RIMBP2: variants seen among roughly 807,000 people sequenced by gnomAD.
RIMBP2 encodes RIMS binding protein 2, also known as RIMS-binding protein 2.
RIMBP2 carries 48 observed loss-of-function variants against 118.6 expected under a neutral mutation model. The observed-to-expected ratio is 0.40, with a 90% confidence interval of 0.32 to 0.51. RIMBP2 has a LOEUF of 0.51. Ranked by LOEUF, RIMBP2 falls within the 20% of genes least tolerant of loss-of-function variation. The pLI, the probability that RIMBP2 is intolerant of heterozygous loss-of-function variation, is 0.41. For missense variants in RIMBP2, 1,551 were observed against 1,768.3 expected, an observed-to-expected ratio of 0.88 and a Z score of 2.20; for synonymous variants, 762 against 742.9, an observed-to-expected ratio of 1.03 and a Z score of -0.42.
At chr12:130,537,601 T>C (rs2054191538) in intron 2 of RIMBP2, among the ~76,000 whole-genome samples, 1 of 152,192 alleles carries the variant, frequency 6.6e-6, no homozygotes, top group South Asian at 2.1e-4. Context: ...AACCAGCCTA[T>C]GCGAAAGATC....
intron 2 of RIMBP2, among the ~76,000 whole-genome samples, chr12:130,532,513 T>C (rs1055237838): frequency 6.0e-5 from 9 of 149,556 alleles, no homozygotes; most frequent in Admixed American, 2.0e-4. Context: ...GTTCAGCCTC[T>C]AGGAGTTACG....
chr12:130,662,086 G>A (rs755244861), intron 1 of RIMBP2, among the ~76,000 whole-genome samples: 7 of 152,094 alleles, frequency 4.6e-5, no homozygotes, highest in African/African-American at 7.2e-5. Context: ...GGGGTCACAC[G>A]GACTCCATTG....
intron 14 of RIMBP2, among the ~76,000 whole-genome samples, chr12:130,433,473 C>A (rs1172172401): frequency 6.6e-6 from 1 of 152,196 alleles, no homozygotes; most frequent in Admixed American, 6.5e-5. Flanking sequence ...AGAGAGAGCA[C>A]CCTCAGCACA....
intron 2 of RIMBP2, among the ~76,000 whole-genome samples, chr12:130,612,814 CA>C (rs1414791055): frequency 6.6e-6 from 1 of 152,152 alleles, no homozygotes; most frequent in Non-Finnish European, 1.5e-5. Context: ...CCGGGTGAAG[CA>C]AGGTACACAG....
chr12:130,641,065 G>A lies in RIMBP2; in HGVS notation c.-351-12609C>T, dbSNP rs1011139321. ...TTTCTGTGGTTGGGCAGGAGAAACCGCAGTCTTGCCATCATTTTAACTGAT... is the reference window on the plus strand; with the variant it reads ...TTTCTGTGGTTGGGCAGGAGAAACCACAGTCTTGCCATCATTTTAACTGAT... On this transcript the variant is annotated intron_variant, in intron 1 of 22. Transcript: ENST00000690449. 3.9e-5 allele frequency among the ~76,000 whole-genome samples: 6 copies of A among 152,192 alleles called. No individual in the cohort carries two copies. The South Asian group carries it at 6.2e-4, about 16-fold the overall frequency.
At position 130,632,391 on chromosome 12, in the gene RIMBP2, A is replaced by AT. The variant is rs35286609; in HGVS notation, c.-351-3936dup. On this transcript the variant is annotated intron_variant, in intron 1 of 22. Transcript: ENST00000690449. ...TCACGATAATCTGCAAGTGATGTAC[A>AT]TTTTTTTTTTCTAGTTCTATTACAG... Among the ~76,000 whole-genome samples, 223 of 151,392 alleles carry AT rather than the reference A, an allele frequency of 1.5e-3. 2 individuals are homozygous for AT. The highest frequency in any genetic ancestry group is 4.7e-3 in the African/African-American group (193 of 41,254).
At chr12:130,496,853 A>G (rs1159125042) in intron 4 of RIMBP2, among the ~76,000 whole-genome samples, 1 of 152,144 alleles carries the variant, frequency 6.6e-6, no homozygotes, top group African/African-American at 2.4e-5. Flanking sequence ...AGGCCATCAG[A>G]CCATGACTGC....
intron 1 of RIMBP2, among the ~76,000 whole-genome samples, chr12:130,702,167 T>C (rs1286698511): frequency 1.3e-5 from 2 of 152,034 alleles, no homozygotes; most frequent in African/African-American, 2.4e-5. Flanking sequence ...GCTGAACCCT[T>C]AGCAATGATT....
intron 1 of RIMBP2, among the ~76,000 whole-genome samples, chr12:130,650,957 T>TAAA (rs1346691383): frequency 1.5e-5 from 2 of 130,424 alleles, no homozygotes; most frequent in Non-Finnish European, 3.3e-5. Flanking sequence ...CTTGTTTTTT[T>TAAA]TAAAAAAAAA....
chr12:130,616,955 T>C (rs942615672), intron 2 of RIMBP2, among the ~76,000 whole-genome samples: 14 of 152,156 alleles, frequency 9.2e-5, no homozygotes, highest in African/African-American at 3.4e-4. Flanking sequence ...CCCCGCAACA[T>C]GGGCCTTGGC....
rs1048398546 is a variant in RIMBP2 at position 130,710,197 on chromosome 12, C to T, written c.-352+6025G>A. ...CACCGAGCAGCTCGCAGATCCATTC[C>T]TCCCTCTGCCCTCGGGGCCTGAACC... On this transcript the variant is annotated intron_variant, in intron 1 of 22. Coordinates refer to ENST00000690449, the MANE Select transcript of RIMBP2 (RefSeq NM_001393629.1). The surrounding 1 kb of genome is among the most constrained non-coding windows in gnomAD (Gnocchi z 4.3). 3.9e-5 allele frequency among the ~76,000 whole-genome samples: 6 copies of T among 152,146 alleles called. No individual in the cohort carries two copies. Among genetic ancestry groups the T allele is most frequent in the Non-Finnish European group, 8.8e-5 (6 of 68,016 alleles).
At chr12:130,551,239 A>G (rs2055750512) in intron 2 of RIMBP2, among the ~76,000 whole-genome samples, 1 of 152,242 alleles carries the variant, frequency 6.6e-6, no homozygotes, top group Non-Finnish European at 1.5e-5. Context: ...GATCTCTGCC[A>G]GCTAGCCTGG....
chr12:130,414,311 G>T lies in RIMBP2; in HGVS notation c.3239-5C>A. 1 of 1,573,896 alleles carries T rather than the reference G, an allele frequency of 6.4e-7. No homozygotes were observed. The highest frequency in any genetic ancestry group is 1.2e-5 in the South Asian group (1 of 84,002). ...GGCGGTCTCGCCCGTAATCGTCTGC[G>T]AGCAAGTGGGGGTGAAGAACAGAGC... On this transcript the variant is annotated splice_region_variant and splice_polypyrimidine_tract_variant and intron_variant, in intron 17 of 22. Transcript: ENST00000690449.
At position 130,621,829 on chromosome 12, in the gene RIMBP2, A is replaced by G. The variant is rs1314109336; in HGVS notation, c.-217+6493T>C. 6.6e-6 allele frequency among the ~76,000 whole-genome samples: 1 copy of G among 152,176 alleles called. No individual in the cohort carries two copies. Among genetic ancestry groups the G allele is most frequent in the African/African-American group, 2.4e-5 (1 of 41,452 alleles). On this transcript the variant is annotated intron_variant, in intron 2 of 22. Coordinates refer to ENST00000690449, the MANE Select transcript of RIMBP2 (RefSeq NM_001393629.1). This position sits in a 1 kb window ranked among gnomAD's most constrained non-coding sequence, Gnocchi z 6.6. ...CTACCCTTTTACTGCCCTTGAAGGT[A>G]AACCTGGAGCCATCGCTGAACCCAG...
At chr12:130,709,095 T>C (rs1341028377) in intron 1 of RIMBP2, among the ~76,000 whole-genome samples, 1 of 152,280 alleles carries the variant, frequency 6.6e-6, no homozygotes, top group Non-Finnish European at 1.5e-5. Flanking sequence ...AGCAGTCCGA[T>C]GCATTGCTGC....
At chr12:130,626,011 T>C (rs1297364410) in intron 2 of RIMBP2, among the ~76,000 whole-genome samples, 10 of 152,202 alleles carry the variant, frequency 6.6e-5, no homozygotes, top group Non-Finnish European at 1.3e-4. Context: ...ATTATATTCA[T>C]TGAAGAAACT....
chr12:130,498,649 A>C (rs1482195129), intron 4 of RIMBP2, among the ~76,000 whole-genome samples: 1 of 151,656 alleles, frequency 6.6e-6, no homozygotes, highest in Non-Finnish European at 1.5e-5. Flanking sequence ...AAAAAAAAAA[A>C]AACACTCAGT....
intron 2 of RIMBP2, among the ~76,000 whole-genome samples, chr12:130,547,711 C>T (rs1185811309): frequency 6.6e-6 from 1 of 152,246 alleles, no homozygotes; most frequent in Non-Finnish European, 1.5e-5. Context: ...CGATTCCCAA[C>T]TGGTTCTTCA....
At chr12:130,560,807 G>A (rs1483651644) in intron 2 of RIMBP2, among the ~76,000 whole-genome samples, 2 of 152,168 alleles carry the variant, frequency 1.3e-5, no homozygotes, top group Non-Finnish European at 2.9e-5. Flanking sequence ...AGCCCATGTC[G>A]AAATTTTCTT....
Sources: gnomAD v4.1 joint callset for allele counts (sites outside exome capture counted in the v4.1 genomes callset) on GRCh38, gnomAD v4.1.1 for gene constraint, Gnocchi (gnomAD v3.1) non-coding constraint, MANE v1.5 for transcripts, NCBI Gene and HGNC (gene_info 2026-07-23, HGNC 2026-07-21) for gene names.